The following SAMD5 variants were observed in gnomAD, a reference collection of about 807,000 sequenced individuals.
SAMD5 encodes sterile alpha motif domain-containing protein 5.
Under a neutral mutation model 11.3 loss-of-function variants are expected in SAMD5, and 13 were observed. The ratio of observed to expected loss-of-function variants is 1.15; its 90% confidence interval spans 0.75 to 1.83. The LOEUF is 1.83. SAMD5 is among the 40% of genes most tolerant of loss of function. SAMD5 has a pLI of 0.00. For synonymous variants in SAMD5, 129 were observed against 111.3 expected, an observed-to-expected ratio of 1.16 and a Z score of -1.00; for missense variants, 255 against 239.1, an observed-to-expected ratio of 1.07 and a Z score of -0.44.
At chr6:147,806,438 A>G in the SAMD5 span, among the ~76,000 whole-genome samples, 3 of 152,278 alleles carry the variant, frequency 2.0e-5, no homozygotes, top group East Asian at 5.8e-4. Context: ...CCAAGTCACA[A>G]CATCTTTCTA....
At chr6:147,851,207 G>C in the SAMD5 span, among the ~76,000 whole-genome samples, 48 of 152,204 alleles carry the variant, frequency 3.2e-4, no homozygotes, top group Middle Eastern at 6.8e-3. Context: ...GCCTCCCAAA[G>C]TGCTGGGATT....
At chr6:147,834,643 G>T in the SAMD5 span, among the ~76,000 whole-genome samples, 1 of 152,130 alleles carries the variant, frequency 6.6e-6, no homozygotes, top group East Asian at 1.9e-4. Context: ...GCCCTAGTCC[G>T]GGCTTACCAC....
the SAMD5 span, among the ~76,000 whole-genome samples, chr6:147,922,780 AT>A: frequency 6.6e-6 from 1 of 152,190 alleles, no homozygotes; most frequent in African/African-American, 2.4e-5. Context: ...GAAATTACAA[AT>A]CTACTAAAAA....
chr6:147,747,685 T>C, the SAMD5 span, among the ~76,000 whole-genome samples: 715 of 152,194 alleles, frequency 4.7e-3, 16 homozygotes, highest in East Asian at 0.072. Flanking sequence ...TAATTTTTTT[T>C]GTATTTTTAG....
At chr6:147,766,431 T>A in the SAMD5 span, among the ~76,000 whole-genome samples, 1 of 152,284 alleles carries the variant, frequency 6.6e-6, no homozygotes, top group Non-Finnish European at 1.5e-5. Flanking sequence ...CATAATTTTC[T>A]TAAGCTTCAA....
intron 1 of SAMD5, among the ~76,000 whole-genome samples, chr6:147,598,635 A>G (rs1789571362): frequency 6.6e-6 from 1 of 152,222 alleles, no homozygotes; most frequent in Non-Finnish European, 1.5e-5. Flanking sequence ...AAGACCGAAT[A>G]GAATCCAGAC....
the SAMD5 span, among the ~76,000 whole-genome samples, chr6:147,867,229 C>T: frequency 6.7e-6 from 1 of 149,374 alleles, no homozygotes; most frequent in African/African-American, 2.5e-5. Flanking sequence ...TATTTACTTT[C>T]TCACAATTCT....
the SAMD5 span, among the ~76,000 whole-genome samples, chr6:147,904,974 T>C: frequency 1.3e-5 from 2 of 151,368 alleles, no homozygotes; most frequent in Non-Finnish European, 2.9e-5. Flanking sequence ...CTGCAACCTC[T>C]GCCTCCTGGA....
At position 147,674,414 on chromosome 6, in the gene SAMD5, G is replaced by A. The variant is rs543154195; in HGVS notation, c.163-62903G>A. 2.6e-5 allele frequency among the ~76,000 whole-genome samples: 4 copies of A among 152,200 alleles called. No individual in the cohort carries two copies. The East Asian group carries it at 5.8e-4, about 22-fold the overall frequency. The stretch of plus-strand genomic sequence containing the variant: ...CCCACCCAGTAACACCAATCTCAAA[G>A]CCTCGATTCATAGCACAAACACTAC... On this transcript the variant is annotated intron_variant, in intron 1 of 1. Coordinates refer to the SAMD5 transcript ENST00000566741.
the SAMD5 span, among the ~76,000 whole-genome samples, chr6:147,888,350 G>C: frequency 6.6e-6 from 1 of 151,856 alleles, no homozygotes; most frequent in Non-Finnish European, 1.5e-5. Flanking sequence ...TGATAGTGAT[G>C]AGTTCTTCTA....
At chr6:147,944,667 C>T in the SAMD5 span, among the ~76,000 whole-genome samples, 1 of 152,212 alleles carries the variant, frequency 6.6e-6, no homozygotes, top group Non-Finnish European at 1.5e-5. Context: ...CTCCTTCTTT[C>T]CTGTCCACAA....
At chr6:147,870,435 TGTGTGTGTGTGTGA>T in the SAMD5 span, among the ~76,000 whole-genome samples, 481 of 126,112 alleles carry the variant, frequency 3.8e-3, no homozygotes, top group African/African-American at 0.014. Flanking sequence ...CCCTTTGGTG[TGTGTGTGTGTGTGA>T]GTGTGTGTGT....
At chr6:147,880,097 A>C in the SAMD5 span, among the ~76,000 whole-genome samples, 1 of 152,212 alleles carries the variant, frequency 6.6e-6, no homozygotes, top group Non-Finnish European at 1.5e-5. Context: ...TTTAATCTTC[A>C]TAAAAATCCT....
chr6:147,613,151 A>C (rs1193300466), intron 1 of SAMD5, among the ~76,000 whole-genome samples: 3 of 150,302 alleles, frequency 2.0e-5, no homozygotes, highest in Non-Finnish European at 4.4e-5. Flanking sequence ...ACTCCATCTC[A>C]AAAATCAAAA....
the SAMD5 span, among the ~76,000 whole-genome samples, chr6:147,801,846 G>A: frequency 6.6e-6 from 1 of 152,092 alleles, no homozygotes; most frequent in Non-Finnish European, 1.5e-5. Context: ...AATGGTGTTG[G>A]CATAACTAAA....
the SAMD5 span, among the ~76,000 whole-genome samples, chr6:147,872,641 G>C: frequency 6.6e-6 from 1 of 152,198 alleles, no homozygotes; most frequent in South Asian, 2.1e-4. Context: ...CCCTAGTGGA[G>C]TATGGAATGA....
chr6:147,798,517 TGTG>T, the SAMD5 span, among the ~76,000 whole-genome samples: 18 of 150,986 alleles, frequency 1.2e-4, no homozygotes, highest in Admixed American at 1.3e-4. Flanking sequence ...ATAGGTGTGG[TGTG>T]GTGCTGAAAA....
At chr6:147,526,999 C>A (rs975188738) in intron 1 of SAMD5, among the ~76,000 whole-genome samples, 22 of 152,202 alleles carry the variant, frequency 1.4e-4, no homozygotes. Flanking sequence ...TTCCCATTCT[C>A]TCTTCAGGAG....
chr6:147,534,323 A>G (rs1788475624), intron 1 of SAMD5, among the ~76,000 whole-genome samples: 1 of 152,104 alleles, frequency 6.6e-6, no homozygotes, highest in African/African-American at 2.4e-5. Context: ...TTGAAGCAAA[A>G]TCTCATGTGA....
Sources: gnomAD v4.1 joint callset for allele counts (sites outside exome capture counted in the v4.1 genomes callset) on GRCh38, gnomAD v4.1.1 for gene constraint, MANE v1.5 for transcripts, NCBI Gene and HGNC (gene_info 2026-07-23, HGNC 2026-07-21) for gene names.